Variants in MTMR2 observed in about 807,000 individuals in gnomAD.
MTMR2 encodes the protein myotubularin related protein 2.
Under a neutral mutation model 86.9 loss-of-function variants are expected in MTMR2, and 55 were observed. That is an observed-to-expected ratio of 0.63 (90% CI 0.51 to 0.79). The LOEUF (loss-of-function observed/expected upper bound fraction) is 0.79. Ranked by LOEUF, MTMR2 falls within the 30% of genes least tolerant of loss-of-function variation. MTMR2 has a pLI of 0.00. For synonymous variants in MTMR2, 241 were observed against 266.8 expected (o/e 0.90, Z 0.94); for missense variants, 659 against 772.3 (o/e 0.85, Z 1.74).
intron 2 of MTMR2, among the ~76,000 whole-genome samples, chr11:95,875,214 C>T (rs1366660256): frequency 6.6e-6 from 1 of 152,176 alleles, no homozygotes; most frequent in Non-Finnish European, 1.5e-5. Flanking sequence ...TCCATTCTCC[C>T]CGTCACTTTC....
At chr11:95,921,555 T>G (rs1591058382) in intron 1 of MTMR2, among the ~76,000 whole-genome samples, 2 of 152,232 alleles carry the variant, frequency 1.3e-5, no homozygotes, top group Admixed American at 1.3e-4. Flanking sequence ...TTAGCCTAGA[T>G]TGTTTAAAAT....
chr11:95,912,610 C>G (rs1254485149), intron 1 of MTMR2, among the ~76,000 whole-genome samples: 2 of 151,708 alleles, frequency 1.3e-5, no homozygotes, highest in Non-Finnish European at 2.9e-5. Context: ...TATCAATATA[C>G]CATACATAAT....
intron 1 of MTMR2, among the ~76,000 whole-genome samples, chr11:95,920,111 G>A (rs1555076557): frequency 6.6e-6 from 1 of 152,066 alleles, no homozygotes; most frequent in Non-Finnish European, 1.5e-5. Flanking sequence ...AAGAATCAGA[G>A]CACACCCAAC....
intron 1 of MTMR2, among the ~76,000 whole-genome samples, chr11:95,911,697 C>T (rs1866510604): frequency 6.6e-6 from 1 of 152,248 alleles, no homozygotes; most frequent in East Asian, 1.9e-4. Flanking sequence ...AAACTGAAAA[C>T]TGGTCAGATT....
chr11:95,875,139 G>A (rs1865055306), intron 2 of MTMR2, among the ~76,000 whole-genome samples: 2 of 152,080 alleles, frequency 1.3e-5, no homozygotes, highest in South Asian at 2.1e-4. Context: ...TTGAATGTTG[G>A]CCTGCCTTGC....
Position 95,849,784 on chromosome 11 carries a change from G to C in MTMR2, c.883C>G (p.Arg295Gly). The change falls in exon 9 of 15, where the codon CGA (arginine) becomes GGA (glycine). Residue 295 changes from arginine to glycine, a missense_variant. Physicochemically the swap from Arg to Gly is moderately radical, Grantham distance 125. This residue lies in a region of MTMR2 where 387 missense variants were observed against 526.3 expected (regional missense o/e 0.74). Coordinates refer to ENST00000346299, the MANE Select transcript of MTMR2 (RefSeq NM_016156.6). The stretch of plus-strand genomic sequence containing the variant: ...AGGTATTTTTCATCTTCTTTGCTTC[G>C]CTTTCCACTCACTCCAACCATGGGC... ...SQPMVGVSGK[R>G]SKEDEKYLQA... 1 of 1,614,016 alleles carries C rather than the reference G, an allele frequency of 6.2e-7. No homozygotes were observed. Among genetic ancestry groups the C allele is most frequent in the Non-Finnish European group, 8.5e-7 (1 of 1,179,958 alleles).
At chr11:95,874,229 T>C (rs1354052590) in intron 2 of MTMR2, among the ~76,000 whole-genome samples, 1 of 152,250 alleles carries the variant, frequency 6.6e-6, no homozygotes, top group African/African-American at 2.4e-5. Flanking sequence ...TGTGGGAGTC[T>C]GAGTCTCTTT....
intron 2 of MTMR2, among the ~76,000 whole-genome samples, chr11:95,867,403 C>G (rs1310515696): frequency 6.6e-6 from 1 of 152,072 alleles, no homozygotes; most frequent in East Asian, 1.9e-4. Flanking sequence ...GTAGTTCTGG[C>G]AAAGGCACAC....
rs1231459077 is a variant in MTMR2 at position 95,874,298 on chromosome 11, A to T, written c.187-8622T>A. Among the ~76,000 whole-genome samples the T allele has an allele frequency of 6.6e-5, 10 of 152,272 alleles. No homozygotes were observed. In the South Asian group the frequency reaches 8.3e-4, roughly 13 times the overall value. On this transcript the variant is annotated intron_variant, in intron 2 of 14. Coordinates refer to ENST00000346299, the MANE Select transcript of MTMR2 (RefSeq NM_016156.6). ...GTGCTCCTGTATTAGGTGCATATAT[A>T]TTTAGGATAGTTAGCTCTTCTTGTT...
In MTMR2 at chr11:95,849,857, T is replaced by C; in HGVS notation, c.810A>G (p.Leu270=). ...SFRSRGRIPV[L]SWIHPESQAT... ...CTTGACTTTCAGGATGAATCCATGA[T>C]AAAACCTTAATGAGGAAAAAATGGT... The change falls in exon 9 of 15, where the codon TTA becomes TTG. Residue 270 remains leucine (L), a synonymous_variant. Coordinates refer to ENST00000346299, the MANE Select transcript of MTMR2 (RefSeq NM_016156.6). 2 of 1,613,948 alleles carry C rather than the reference T, an allele frequency of 1.2e-6. No homozygotes were observed. Among genetic ancestry groups the C allele is most frequent in the South Asian group, 1.1e-5 (1 of 91,078 alleles).
At chr11:95,904,007 C>T (rs950781150) in intron 1 of MTMR2, among the ~76,000 whole-genome samples, 2 of 152,016 alleles carry the variant, frequency 1.3e-5, no homozygotes, top group Non-Finnish European at 2.9e-5. Flanking sequence ...CCCAGCTACT[C>T]AGGAGGCTGA....
chr11:95,917,890 A>C (rs1248438585), intron 1 of MTMR2, among the ~76,000 whole-genome samples: 1 of 152,146 alleles, frequency 6.6e-6, no homozygotes, highest in Non-Finnish European at 1.5e-5. Flanking sequence ...ATGTGGTTCG[A>C]GGGTCAACTG....
chr11:95,861,332 T>A (rs1387801453), intron 5 of MTMR2, among the ~76,000 whole-genome samples: 1 of 150,866 alleles, frequency 6.6e-6, no homozygotes, highest in Non-Finnish European at 1.5e-5. Flanking sequence ...AGGATTTTTA[T>A]AAGGCTCAAA....
chr11:95,901,385 C>A (rs1866068791), intron 1 of MTMR2, among the ~76,000 whole-genome samples: 1 of 152,152 alleles, frequency 6.6e-6, no homozygotes, highest in Admixed American at 6.6e-5. Flanking sequence ...TTTTTTAAAA[C>A]TGTCCCTTTC....
intron 1 of MTMR2, among the ~76,000 whole-genome samples, chr11:95,910,982 C>A (rs1866484450): frequency 6.6e-6 from 1 of 151,800 alleles, no homozygotes; most frequent in African/African-American, 2.4e-5. Flanking sequence ...GAAAAACAAC[C>A]CCCCCAAAAC....
intron 1 of MTMR2, among the ~76,000 whole-genome samples, chr11:95,894,409 G>A (rs74899723): frequency 0.013 from 2,054 of 152,234 alleles, 53 homozygotes; most frequent in African/African-American, 0.047. Flanking sequence ...AGAAGAATAC[G>A]TGGCATATGT....
chr11:95,851,905 T>G (rs1864035787), intron 7 of MTMR2, among the ~76,000 whole-genome samples: 1 of 152,222 alleles, frequency 6.6e-6, no homozygotes, highest in Admixed American at 6.5e-5. Context: ...TATCAACTAT[T>G]GAGCTCTCGT....
At chr11:95,908,340 C>T (rs530312704) in intron 1 of MTMR2, among the ~76,000 whole-genome samples, 14 of 151,990 alleles carry the variant, frequency 9.2e-5, no homozygotes, top group South Asian at 2.1e-4. Flanking sequence ...AAATCAAAGA[C>T]GATGCAAGCA....
intron 13 of MTMR2, 149 bp from the exon 14 acceptor site, chr11:95,836,473 G>C: frequency 1.4e-6 from 1 of 731,040 alleles, no homozygotes. Flanking sequence ...CTTATATTAA[G>C]ATCAGAGGGT....
Sources: allele counts gnomAD v4.1 joint callset (sites outside exome capture counted in the v4.1 genomes callset), GRCh38; gene constraint gnomAD v4.1.1; regional missense constraint gnomAD v4.1.1; transcripts MANE v1.5; gene names NCBI Gene and HGNC (gene_info 2026-07-23, HGNC 2026-07-21).